The following NAV3 variants were observed in gnomAD, a reference collection of about 807,000 sequenced individuals.
NAV3 encodes pore membrane and/or filament interacting like protein 1.
NAV3 carries 87 observed loss-of-function variants against 244.7 expected under a neutral mutation model. The ratio of observed to expected loss-of-function variants is 0.36; its 90% CI spans 0.30 to 0.42. The LOEUF is 0.42. Ranked by LOEUF, NAV3 falls within the 20% of genes least tolerant of loss-of-function variation. The pLI, the probability that NAV3 is intolerant of heterozygous loss-of-function variation, is 1.00. For missense variants in NAV3, 2,663 were observed against 2,893.3 expected, an observed-to-expected ratio of 0.92 and a Z score of 1.83; for synonymous variants, 1,126 against 1,042.2, an observed-to-expected ratio of 1.08 and a Z score of -1.55.
chr12:78,188,651 A>G lies in NAV3; in HGVS notation c.5929A>G (p.Ser1977Gly), dbSNP rs2139851594. 1.2e-6 allele frequency: 2 copies of G among 1,612,156 alleles called. No individual in the cohort carries two copies. The highest frequency in any genetic ancestry group is 1.7e-6 in the Non-Finnish European group (2 of 1,178,874). The change falls in exon 33 of 40, where the codon AGC becomes GGC. Residue 1977 changes from serine to glycine, a missense_variant. Around this residue, in one of 6 missense-constraint regions of NAV3, gnomAD observed 543 missense variants for 672.4 expected, o/e 0.81. Transcript: ENST00000397909. Reference sequence around the variant, plus strand: ...TGATACATCCACTAGCCTTGGTCTGAGCTCTGACTGCATTGCTAGCTACTG... The same window carrying G: ...TGATACATCCACTAGCCTTGGTCTGGGCTCTGACTGCATTGCTAGCTACTG... The part of the protein sequence containing the change: ...RIDTSTSLGL[S>G]SDCIASYCIG...
chr12:78,117,517 A>T (rs1399673433), intron 13 of NAV3, among the ~76,000 whole-genome samples: 1 of 148,058 alleles, frequency 6.8e-6, no homozygotes, highest in African/African-American at 2.5e-5. Flanking sequence ...ATATAATAGT[A>T]ACATATCAAT....
At chr12:77,633,829 A>C (rs527996344) in intron 2 of NAV3, among the ~76,000 whole-genome samples, 1 of 152,296 alleles carries the variant, frequency 6.6e-6, no homozygotes, top group African/African-American at 2.4e-5. Flanking sequence ...AAAACGTATT[A>C]TTAGAATGCT....
chr12:77,698,371 C>G (rs1404185014), intron 2 of NAV3, among the ~76,000 whole-genome samples: 11 of 152,064 alleles, frequency 7.2e-5, no homozygotes, highest in Admixed American at 7.2e-4. Flanking sequence ...AATTATATCA[C>G]CCATCACTGG....
intron 2 of NAV3, among the ~76,000 whole-genome samples, chr12:77,680,879 C>G (rs544063558): frequency 1.3e-5 from 2 of 152,148 alleles, no homozygotes; most frequent in African/African-American, 4.8e-5. Context: ...AAAGAGTACT[C>G]AATAGCATTT....
intron 2 of NAV3, among the ~76,000 whole-genome samples, chr12:77,593,477 G>T (rs1203509516): frequency 2.0e-5 from 3 of 150,860 alleles, no homozygotes; most frequent in African/African-American, 7.3e-5. Context: ...TTTAGACAGA[G>T]ACTCACTCTG....
intron 16 of NAV3, among the ~76,000 whole-genome samples, chr12:78,125,868 A>G (rs1414173744): frequency 1.3e-5 from 2 of 152,152 alleles, no homozygotes; most frequent in Non-Finnish European, 2.9e-5. Context: ...ATTTTTATAC[A>G]ACTGGATGAG....
upstream of NAV3, among the ~76,000 whole-genome samples, chr12:77,827,120 C>T (rs1458679513): frequency 6.6e-6 from 1 of 151,444 alleles, no homozygotes; most frequent in South Asian, 2.1e-4. Context: ...GTAATCCCAG[C>T]TGCTTGGGAG....
intron 1 of NAV3, among the ~76,000 whole-genome samples, chr12:77,832,334 A>C (rs1873855461): frequency 6.6e-6 from 1 of 152,196 alleles, no homozygotes; most frequent in African/African-American, 2.4e-5. Flanking sequence ...GTAGTTGCTC[A>C]TAGCCCTTGG....
intron 2 of NAV3, among the ~76,000 whole-genome samples, chr12:77,594,109 A>T (rs1192479735): frequency 6.6e-6 from 1 of 152,208 alleles, no homozygotes; most frequent in Non-Finnish European, 1.5e-5. Context: ...AACAACAACA[A>T]AAAACCCTAA....
At chr12:77,954,389 C>A (rs538632867) in intron 3 of NAV3, among the ~76,000 whole-genome samples, 8 of 152,284 alleles carry the variant, frequency 5.3e-5, no homozygotes, top group African/African-American at 1.9e-4. Context: ...TGGTAGTAAG[C>A]ATAATGAGGC....
chr12:77,977,020 T>G (rs994138592), intron 5 of NAV3, among the ~76,000 whole-genome samples: 4 of 152,040 alleles, frequency 2.6e-5, no homozygotes, highest in Non-Finnish European at 4.4e-5. Context: ...AAACAGAAAA[T>G]GGAAAGATCA....
intron 2 of NAV3, among the ~76,000 whole-genome samples, chr12:77,753,907 A>G (rs913090876): frequency 6.6e-6 from 1 of 152,214 alleles, no homozygotes; most frequent in African/African-American, 2.4e-5. Context: ...TGGTTTACTA[A>G]GAAAGATTTA....
intron 2 of NAV3, among the ~76,000 whole-genome samples, chr12:77,581,601 A>G (rs1869367336): frequency 6.6e-6 from 1 of 152,194 alleles, no homozygotes; most frequent in African/African-American, 2.4e-5. Context: ...AGACATTTCT[A>G]CATATTAGCT....
rs535815632 is a variant in NAV3 at position 77,924,266 on chromosome 12, T to TAGGG, written c.244-16051_244-16050insGGAG. 1.1e-3 allele frequency among the ~76,000 whole-genome samples: 174 copies of TAGGG among 152,220 alleles called. 1 individual carries two copies. Among genetic ancestry groups the TAGGG allele is most frequent in the African/African-American group, 4.2e-3 (173 of 41,552 alleles). Reference sequence around the variant, plus strand: ...CCCATGGGCAAAACGAAGAATAGGTTAGAGTATATTTTTGTGGGCTAGAGT... The same window carrying TAGGG: ...CCCATGGGCAAAACGAAGAATAGGTTAGGGAGAGTATATTTTTGTGGGCTAGAGT... On this transcript the variant is annotated intron_variant, in intron 1 of 39. Coordinates refer to ENST00000397909, the MANE Select transcript of NAV3 (RefSeq NM_001024383.2).
chr12:77,580,704 A>G (rs564120516), intron 2 of NAV3, among the ~76,000 whole-genome samples: 1 of 152,352 alleles, frequency 6.6e-6, no homozygotes, highest in South Asian at 2.1e-4. Flanking sequence ...GAAAAAGAAC[A>G]TTGAACATGG....
intron 5 of NAV3, among the ~76,000 whole-genome samples, chr12:77,980,811 T>C (rs1869425158): frequency 6.6e-6 from 1 of 152,160 alleles, no homozygotes; most frequent in South Asian, 2.1e-4. Context: ...AAAAGAAATA[T>C]GAGCCTCATT....
chr12:78,124,532 C>A (rs547190629), intron 16 of NAV3, among the ~76,000 whole-genome samples: 2 of 152,164 alleles, frequency 1.3e-5, no homozygotes, highest in Non-Finnish European at 2.9e-5. Flanking sequence ...CAGCTCATTG[C>A]GTCCTCTGCT....
chr12:78,154,073 A>G (rs928020204), intron 22 of NAV3, among the ~76,000 whole-genome samples: 6 of 146,954 alleles, frequency 4.1e-5, no homozygotes, highest in African/African-American at 7.4e-5. Context: ...CTATATATTT[A>G]TACATGATAT....
rs1369085893 is a variant in NAV3, at chr12:77,963,849, TTCCC to T, written c.415-2360_415-2357del. 7.8e-3 allele frequency among the ~76,000 whole-genome samples: 1,063 copies of T among 136,320 alleles called. 10 individuals carry two copies. The highest frequency in any genetic ancestry group is 0.022 in the African/African-American group (775 of 35,858). 89.4% of individuals were successfully genotyped at this position (136,320 alleles called of 152,430 possible). ...TCCTTCCCCTTCCTTCCTTCCTTCC[TTCCC>T]TCCCTCCCTCCCTCCCTCCTTCCTT... On this transcript the variant is annotated intron_variant, in intron 3 of 39. Transcript: ENST00000397909.
Sources: gnomAD v4.1 joint callset for allele counts (sites outside exome capture counted in the v4.1 genomes callset) on GRCh38, gnomAD v4.1.1 for gene constraint, gnomAD v4.1.1 regional missense constraint, MANE v1.5 for transcripts, NCBI Gene and HGNC (gene_info 2026-07-23, HGNC 2026-07-21) for gene names.